Variants in PLCG2 observed in about 807,000 individuals in gnomAD.
PLCG2 encodes 1-phosphatidylinositol 4,5-bisphosphate phosphodiesterase gamma-2.
In PLCG2, 69 loss-of-function variants were observed where a neutral mutation model predicts 175.6. The ratio of observed to expected loss-of-function variants is 0.39; its 90% CI spans 0.32 to 0.48. The LOEUF (loss-of-function observed/expected upper bound fraction) is 0.48. Ranked by LOEUF, PLCG2 falls within the 20% of genes least tolerant of loss-of-function variation. PLCG2 has a pLI of 0.91. For missense variants in PLCG2, 1,798 were observed against 1,650.9 expected, an observed-to-expected ratio of 1.09 and a Z score of -1.54; for synonymous variants, 827 against 624.0, an observed-to-expected ratio of 1.33 and a Z score of -4.85.
chr16:81,893,731 C>T lies in PLCG2; in HGVS notation c.1009C>T (p.Arg337Trp). 1.9e-6 allele frequency: 3 copies of T among 1,611,742 alleles called. No individual in the cohort carries two copies. The highest frequency in any genetic ancestry group is 1.1e-5 in the South Asian group (1 of 91,004). ...CAGGTACCTTACAGGTGACCAGCTGCGGAGCGAGTCGTCCCCAGAAGCTTA... is the reference window on the plus strand; with the variant it reads ...CAGGTACCTTACAGGTGACCAGCTGTGGAGCGAGTCGTCCCCAGAAGCTTA... ...HNTYLTGDQL[R>W]SESSPEAYIR... Residue 337 changes from arginine to tryptophan, a missense_variant, in exon 12 of 33, where the codon CGG becomes TGG. Arg to Trp is a moderately radical substitution (Grantham distance 101, BLOSUM62 -3). Transcript: ENST00000564138.
intron 2 of PLCG2, among the ~76,000 whole-genome samples, chr16:81,805,514 A>AAC (rs1555508033): frequency 2.0e-5 from 3 of 148,834 alleles, no homozygotes; most frequent in Non-Finnish European, 4.4e-5. Context: ...AAAAAAAAAA[A>AAC]AAAACAAAAC....
intron 2 of PLCG2, among the ~76,000 whole-genome samples, chr16:81,822,142 T>C (rs146503142): frequency 6.7e-4 from 102 of 152,348 alleles, no homozygotes; most frequent in African/African-American, 2.3e-3. Flanking sequence ...GAGCTTGTTA[T>C]CAATTTCTCT....
chr16:81,802,611 CGCCGG>C (rs2143253098), intron 2 of PLCG2, among the ~76,000 whole-genome samples: 1 of 151,420 alleles, frequency 6.6e-6, no homozygotes, highest in African/African-American at 2.4e-5. Flanking sequence ...TCACTCTTGT[CGCCGG>C]GCTGGAGTGC....
At chr16:81,769,384 T>G (rs1055136589) in intron 2 of PLCG2, among the ~76,000 whole-genome samples, 1 of 152,140 alleles carries the variant, frequency 6.6e-6, no homozygotes, top group African/African-American at 2.4e-5. Context: ...GGGCGGCAGT[T>G]AAATGCGGAT....
At chr16:81,929,923 A>C (rs181970768) in intron 24 of PLCG2, among the ~76,000 whole-genome samples, 2 of 152,236 alleles carry the variant, frequency 1.3e-5, no homozygotes, top group African/African-American at 2.4e-5. Flanking sequence ...GCAGAGGCAC[A>C]TGGCTCATTG....
rs1911672556 is a variant in PLCG2 at position 81,958,729 on chromosome 16, C to T, written c.*731C>T. 4.5e-6 allele frequency: 1 copy of T among 222,124 alleles called. No individual in the cohort carries two copies. Among genetic ancestry groups the T allele is most frequent in the Non-Finnish European group, 9.0e-6 (1 of 111,096 alleles). The allele number at this position is 222,124 out of a possible 1,614,324, so 13.8% of individuals were successfully genotyped here. On this transcript the variant is annotated 3_prime_UTR_variant, in exon 33 of 33. Transcript: ENST00000564138. ...GCTGCAGGGGCAGGTTCTCACTTGCCCCTGGCTCTGCCAGCTGCTGGGAGG... is the reference window on the plus strand; with the variant it reads ...GCTGCAGGGGCAGGTTCTCACTTGCTCCTGGCTCTGCCAGCTGCTGGGAGG...
intron 7 of PLCG2, among the ~76,000 whole-genome samples, chr16:81,872,612 T>C (rs1907570864): frequency 6.6e-6 from 1 of 152,230 alleles, no homozygotes; most frequent in Admixed American, 6.5e-5. Context: ...CAGTACCTGG[T>C]AGGTGGCACA....
At chr16:81,797,657 C>T (rs191475395) in intron 2 of PLCG2, among the ~76,000 whole-genome samples, 2 of 152,306 alleles carry the variant, frequency 1.3e-5, no homozygotes, top group South Asian at 2.1e-4. Flanking sequence ...CTTTCAGCCT[C>T]GGACTTCCGG....
At chr16:81,740,815 G>C (rs1396084810) in intron 1 of PLCG2, among the ~76,000 whole-genome samples, 1 of 148,038 alleles carries the variant, frequency 6.8e-6, no homozygotes, top group Admixed American at 6.8e-5. Flanking sequence ...TGGGTGCAGA[G>C]GCCTGGGGCT....
upstream of PLCG2, among the ~76,000 whole-genome samples, chr16:81,778,406 G>C (rs1320989124): frequency 1.3e-5 from 2 of 152,142 alleles, no homozygotes; most frequent in Admixed American, 6.6e-5. Context: ...CAACTTGGAA[G>C]TGAAATTCAA....
intron 16 of PLCG2, 77 bp from the exon 17 acceptor site, chr16:81,908,339 G>A (rs1270958232): frequency 2.2e-6 from 3 of 1,336,110 alleles, no homozygotes; most frequent in Admixed American, 1.8e-5. Flanking sequence ...GGGTCAGGGT[G>A]AGACAGAAGG....
In PLCG2 at chr16:81,931,635, C is replaced by T; in HGVS notation, c.2720C>T (p.Thr907Ile). 2 of 1,613,722 alleles carry T rather than the reference C, an allele frequency of 1.2e-6. No individual in the cohort carries two copies. The highest frequency in any genetic ancestry group is 1.7e-6 in the Non-Finnish European group (2 of 1,179,752). ...TGGTTTCAGAGCATCCGAGAGATCA[C>T]CTGGAAGATTGACACCAAGGTAGGC... ...FEWFQSIREI[T>I]WKIDTKENNM... The change falls in exon 25 of 33, where the codon ACC becomes ATC. Residue 907 changes from threonine to isoleucine, a missense_variant. Thr to Ile is a moderately conservative substitution (Grantham distance 89, BLOSUM62 -1). Transcript: ENST00000564138.
chr16:81,891,585 TA>T lies in PLCG2; in HGVS notation c.983del (p.Asn328ThrfsTer74). The T allele has an allele frequency of 6.4e-7, 1 of 1,562,952 alleles. No homozygotes were observed. The highest frequency in any genetic ancestry group is 8.8e-7 in the Non-Finnish European group (1 of 1,133,842). ...CTCATTACTGGATCTCCTCGTCACA[TA>T]ACACGTGAGTTTCAGATGAGCCTGT... ...LSHYWISSSH[N>X]TYLTGDQLRS... On this transcript the variant is annotated frameshift_variant, in exon 11 of 33. Coordinates refer to ENST00000564138, the MANE Select transcript of PLCG2 (RefSeq NM_002661.5). LOFTEE classifies it high-confidence loss of function.
intron 1 of PLCG2, among the ~76,000 whole-genome samples, chr16:81,784,210 TG>T (rs1910869118): frequency 6.6e-6 from 1 of 152,198 alleles, no homozygotes; most frequent in African/African-American, 2.4e-5. Context: ...GGGCAAATCC[TG>T]GGCCCCTCCC....
At chr16:81,940,271 T>C (rs1443175282) in intron 30 of PLCG2, among the ~76,000 whole-genome samples, 1 of 151,842 alleles carries the variant, frequency 6.6e-6, no homozygotes, top group Non-Finnish European at 1.5e-5. Flanking sequence ...CCCCTCAAAG[T>C]GGGATGTTTA....
At chr16:81,954,538 C>G (rs976749085) in intron 31 of PLCG2, among the ~76,000 whole-genome samples, 1 of 152,172 alleles carries the variant, frequency 6.6e-6, no homozygotes, top group Non-Finnish European at 1.5e-5. Context: ...GTTGCCCTCC[C>G]TGTGTCCTCA....
At chr16:81,846,976 A>G (rs12933380) in intron 2 of PLCG2, among the ~76,000 whole-genome samples, 44,717 of 151,968 alleles carry the variant, frequency 0.29, 7,341 homozygotes, top group Non-Finnish European at 0.38. Context: ...TTCTGATACT[A>G]TCTACTTGGA....
chr16:81,878,600 T>C (rs772854229), intron 7 of PLCG2, among the ~76,000 whole-genome samples: 4 of 152,170 alleles, frequency 2.6e-5, no homozygotes, highest in Non-Finnish European at 4.4e-5. Context: ...CTTCCTACTG[T>C]CTCTTGAGTC....
chr16:81,907,346 C>G (rs766325394), intron 15 of PLCG2, among the ~76,000 whole-genome samples: 3 of 150,796 alleles, frequency 2.0e-5, no homozygotes, highest in African/African-American at 7.3e-5. Context: ...AAATATTGAA[C>G]GTAAGGTCTC....
Sources: allele counts gnomAD v4.1 joint callset (sites outside exome capture counted in the v4.1 genomes callset), GRCh38; gene constraint gnomAD v4.1.1; transcripts MANE v1.5; gene names NCBI Gene and HGNC (gene_info 2026-07-23, HGNC 2026-07-21).